The following HERC2 variants were observed in gnomAD, a reference collection of about 807,000 sequenced individuals.
The protein encoded by HERC2 is E3 ubiquitin-protein ligase HERC2.
Under a neutral mutation model 537.7 loss-of-function variants are expected in HERC2, and 102 were observed. That is an observed-to-expected ratio of 0.19 (90% CI 0.16 to 0.22). The LOEUF (loss-of-function observed/expected upper bound fraction) is 0.22. HERC2 is among the 10% of genes least tolerant of loss of function. HERC2 has a pLI of 1.00. For missense variants in HERC2, 4,236 were observed against 6,198.2 expected (o/e 0.68, Z 10.63); for synonymous variants, 2,224 against 2,466.2 (o/e 0.90, Z 2.91).
At position 28,254,448 on chromosome 15, in the gene HERC2, A is replaced by G; in HGVS notation, c.2942T>C (p.Phe981Ser). ...ATCCAGTGGAGTCCTGCTTCTATGA[A>G]ATGTTGAGGCATTCGCTTCCTGTTC... The part of the protein sequence containing the change: ...IDEQEANAST[F>S]HRSRTPLDKD... Residue 981 changes from phenylalanine (F) to serine (S), a missense_variant, in exon 20 of 93, where the codon TTT becomes TCT. Physicochemically the swap from Phe to Ser is radical, Grantham distance 155. This residue lies in a region of HERC2 where 754 missense variants were observed against 1,085.0 expected (regional missense o/e 0.69). Transcript: ENST00000261609. 1 of 1,607,904 alleles carries G rather than the reference A, an allele frequency of 6.2e-7. No individual in the cohort carries two copies. The highest frequency in any genetic ancestry group is 8.5e-7 in the Non-Finnish European group (1 of 1,178,138).
chr15:28,251,448 A>G (rs1356605332), intron 20 of HERC2, among the ~76,000 whole-genome samples: 2 of 149,614 alleles, frequency 1.3e-5, no homozygotes, highest in Non-Finnish European at 3.0e-5. Flanking sequence ...ATCTCGGGGG[A>G]AAAAAATTGT....
At position 28,132,834 on chromosome 15, in the gene HERC2, C is replaced by A; in HGVS notation, c.12231-4G>T. Reference sequence around the variant, plus strand: ...GACACGAGGGCGGTCACACGGACTGCAAAAAAGTCACCAAATATAATGGAA... The same window carrying A: ...GACACGAGGGCGGTCACACGGACTGAAAAAAAGTCACCAAATATAATGGAA... On this transcript the variant is annotated splice_region_variant and splice_polypyrimidine_tract_variant and intron_variant, in intron 79 of 92. Transcript: ENST00000261609. 1 of 1,523,908 alleles carries A rather than the reference C, an allele frequency of 6.6e-7. No individual in the cohort carries two copies. 94.4% of individuals were successfully genotyped at this position (1,523,908 alleles called of 1,614,324 possible).
chr15:28,117,076 T>A lies in HERC2; in HGVS notation c.13351A>T (p.Met4451Leu). 6.2e-7 allele frequency: 1 copy of A among 1,614,130 alleles called. No homozygotes were observed. Among genetic ancestry groups the A allele is most frequent in the Non-Finnish European group, 8.5e-7 (1 of 1,180,014 alleles). The change falls in exon 87 of 93, where the codon ATG becomes TTG. Residue 4451 changes from methionine (M) to leucine (L), a missense_variant. Met to Leu is a conservative substitution (Grantham distance 15). Around this residue, in one of 27 missense-constraint regions of HERC2, gnomAD observed 29 missense variants for 102.1 expected, o/e 0.28. Coordinates refer to ENST00000261609, the MANE Select transcript of HERC2 (RefSeq NM_004667.6). ...AGGCTGTCGGGACCAAACGAGCTCA[T>A]CTTAGCACACATCTGCCCAAAGACA... ...KSVFGQMCAKMSSFGPDSLLL... is the reference protein window; with the variant it reads ...KSVFGQMCAKLSSFGPDSLLL...
chr15:28,218,328 G>A (rs1018512496), intron 38 of HERC2, among the ~76,000 whole-genome samples, 161 bp downstream of exon 38: 5 of 151,774 alleles, frequency 3.3e-5, no homozygotes, highest in Non-Finnish European at 7.3e-5. Flanking sequence ...CGCCAGAACC[G>A]TGAGAATTTC....
chr15:28,224,168 G>C (rs145945796), intron 35 of HERC2, among the ~76,000 whole-genome samples: 2,536 of 60,124 alleles, frequency 0.042, 87 homozygotes, highest in Admixed American at 0.18. Context: ...CACACACACA[G>C]AGAGAGAGAG....
At chr15:28,152,365 C>A (rs1892549302) in intron 70 of HERC2, among the ~76,000 whole-genome samples, 1 of 152,228 alleles carries the variant, frequency 6.6e-6, no homozygotes, top group Non-Finnish European at 1.5e-5. Context: ...GACAGCATCA[C>A]TCAGAGGAAC....
chr15:28,129,643 G>C (rs941312983), intron 83 of HERC2, among the ~76,000 whole-genome samples: 2 of 152,264 alleles, frequency 1.3e-5, no homozygotes, highest in Non-Finnish European at 2.9e-5. Flanking sequence ...CTGGCTGCTA[G>C]CTCTGTTCTG....
At position 28,262,922 on chromosome 15, in the gene HERC2, C is replaced by T. The variant is rs755645938; in HGVS notation, c.2118G>A (p.Leu706=). 6 of 1,613,590 alleles carry T rather than the reference C, an allele frequency of 3.7e-6. No homozygotes were observed. The highest frequency in any genetic ancestry group is 1.3e-5 in the African/African-American group (1 of 74,916). ...HVRYPKLLEG[L]QGKKVIDVAA... is the part of the protein sequence containing the mutation. The stretch of plus-strand genomic sequence containing the variant: ...AAAGTTTACATTTGCACTCACCTTG[C>T]AAGCCTTCTAAGAGTTTTGGATAAC... The change falls in exon 15 of 93, where the codon TTG becomes TTA. Residue 706 remains leucine, a synonymous_variant. Transcript: ENST00000261609.
intron 85 of HERC2, 69 bp from the exon 86 acceptor site, chr15:28,121,498 CAT>C (rs1250158565): frequency 1.1e-5 from 14 of 1,273,352 alleles, no homozygotes; most frequent in African/African-American, 2.9e-5. Flanking sequence ...GAAATCATCA[CAT>C]AGTTTTGTTT....
chr15:28,274,738 T>C (rs1217348270), intron 6 of HERC2, among the ~76,000 whole-genome samples, 167 bp downstream of exon 6: 3 of 151,876 alleles, frequency 2.0e-5, no homozygotes, highest in Non-Finnish European at 4.4e-5. Flanking sequence ...AGCACAGATG[T>C]GAAAAGCCAA....
intron 48 of HERC2, among the ~76,000 whole-genome samples, chr15:28,200,134 C>A (rs1012421155): frequency 2.6e-5 from 4 of 152,090 alleles, no homozygotes; most frequent in African/African-American, 9.7e-5. Context: ...TGGTGGCTCA[C>A]GCCTATAATC....
intron 68 of HERC2, among the ~76,000 whole-genome samples, chr15:28,167,123 GA>G (rs1448505683): frequency 6.6e-6 from 1 of 152,170 alleles, no homozygotes; most frequent in Non-Finnish European, 1.5e-5. Context: ...GTATGATGAG[GA>G]ACAAGACATT....
chr15:28,214,881 T>G, intron 39 of HERC2, 79 bp from the exon 40 acceptor site: 1 of 1,296,696 alleles, frequency 7.7e-7, no homozygotes, highest in Non-Finnish European at 1.1e-6. Context: ...TTTTTATTTT[T>G]TATTTTTTTG....
At chr15:28,121,558 CT>C in intron 85 of HERC2, 129 bp from the exon 86 acceptor site, 1 of 754,594 alleles carries the variant, frequency 1.3e-6, no homozygotes, top group Non-Finnish European at 2.3e-6. Flanking sequence ...TGCCAGTTCC[CT>C]TTTCTCAAGT....
In HERC2 at chr15:28,176,378, C is replaced by A. The variant is rs761591194; in HGVS notation, c.9686+50G>T. The A allele has an allele frequency of 4.4e-6, 7 of 1,590,154 alleles. No homozygotes were observed. The highest frequency in any genetic ancestry group is 6.0e-6 in the Non-Finnish European group (7 of 1,160,712). On this transcript the variant is annotated intron_variant, in intron 63 of 92. Transcript: ENST00000261609. The surrounding 1 kb of genome is among the most constrained non-coding windows in gnomAD (Gnocchi z 5.0). The stretch of plus-strand genomic sequence containing the variant: ...CCTGGGGCGAGGCCCAGGTTCCCTG[C>A]ACACACCTGCACAAGCACACACAGT...
At chr15:28,286,686 G>T (rs1304149919) in intron 4 of HERC2, among the ~76,000 whole-genome samples, 1 of 152,140 alleles carries the variant, frequency 6.6e-6, no homozygotes, top group African/African-American at 2.4e-5. Context: ...GGTCCTCCCA[G>T]ACCTATTTAC....
chr15:28,192,216 G>C, intron 52 of HERC2, 65 bp from the exon 53 acceptor site: 1 of 1,352,356 alleles, frequency 7.4e-7, no homozygotes, highest in Non-Finnish European at 1.0e-6. Context: ...TCATGATCAA[G>C]AATATTACAT....
At chr15:28,149,258 A>G (rs1028089479) in intron 70 of HERC2, among the ~76,000 whole-genome samples, 5 of 152,004 alleles carry the variant, frequency 3.3e-5, no homozygotes, top group Admixed American at 6.6e-5. Flanking sequence ...TGGCCACACG[A>G]ACACGTGTTC....
rs750833171 is a variant in HERC2 at position 28,169,619 on chromosome 15, T to C, written c.10094A>G (p.Asn3365Ser). Residue 3365 changes from asparagine to serine, a missense_variant, in exon 66 of 93, where the codon AAT (asparagine) becomes AGT (serine). Physicochemically the swap from Asn to Ser is conservative, Grantham distance 46 (BLOSUM62 1). Transcript: ENST00000261609. ...AGAATTACTTGCACCACTTATTTTA[T>C]TACTGGCAGCAGAAGAATCAGCATC... Reference protein sequence around the residue: ...PSDADSSAASNKISGASNSKP... With the variant: ...PSDADSSAASSKISGASNSKP... 1 of 1,613,598 alleles carries C rather than the reference T, an allele frequency of 6.2e-7. No homozygotes were observed. The highest frequency in any genetic ancestry group is 2.2e-5 in the East Asian group (1 of 44,864).
Sources: allele counts gnomAD v4.1 joint callset (sites outside exome capture counted in the v4.1 genomes callset), GRCh38; gene constraint gnomAD v4.1.1; regional missense constraint gnomAD v4.1.1; non-coding constraint Gnocchi (gnomAD v3.1); transcripts MANE v1.5; gene names NCBI Gene and HGNC (gene_info 2026-07-23, HGNC 2026-07-21).